Variants in CUL4B observed in about 807,000 individuals in gnomAD.
CUL4B encodes cullin 4B.
A neutral mutation model predicts 69.2 loss-of-function variants in CUL4B; 1 was observed. The ratio of observed to expected loss-of-function variants is 0.01; its 90% CI spans 0.01 to 0.07. The LOEUF is 0.07. Ranked by LOEUF, CUL4B falls within the 10% of genes least tolerant of loss-of-function variation. CUL4B has a pLI of 1.00. For synonymous variants in CUL4B, 237 were observed against 223.2 expected, an observed-to-expected ratio of 1.06 and a Z score of -0.55; for missense variants, 328 against 638.8, an observed-to-expected ratio of 0.51 and a Z score of 5.24.
At chrX:120,541,751 A>G in intron 9 of CUL4B, 31 bp from the exon 10 acceptor site, 1 of 897,263 alleles carries the variant, frequency 1.1e-6, no homozygotes, top group Non-Finnish European at 1.6e-6. Context: ...GCATTAAAAT[A>G]TAGTGAACAA....
rs112641571 is a variant in CUL4B, at chrX:120,544,733, A to C, written c.921-90T>G. 8,336 of 745,162 alleles carry C rather than the reference A, an allele frequency of 0.011. 349 individuals carry two copies. In the African/African-American group the frequency reaches 0.14, roughly 12 times the overall value. The allele number at this position is 745,162 out of a possible 1,213,427, so 61.4% of individuals were successfully genotyped here. A position where few individuals can be genotyped will look rare whatever the true frequency, so the allele number is the denominator to read the frequency against. On this transcript the variant is annotated intron_variant, in intron 5 of 19. Coordinates refer to ENST00000371322, the MANE Select transcript of CUL4B (RefSeq NM_001079872.2). Reference sequence around the variant, plus strand: ...ACTTCTTACCACATGTTCCCATGCTAATTAGGGCTCCAGGGCTTTGAAGCA... The same window carrying C: ...ACTTCTTACCACATGTTCCCATGCTCATTAGGGCTCCAGGGCTTTGAAGCA...
intron 2 of CUL4B, among the ~76,000 whole-genome samples, chrX:120,556,676 T>TA (rs376597680): frequency 2.2e-3 from 241 of 108,648 alleles, no homozygotes; most frequent in African/African-American, 7.6e-3. Context: ...CCCTATCTCT[T>TA]AAAAAAACAG....
chrX:120,542,151 T>C (rs1286955586), intron 9 of CUL4B, among the ~76,000 whole-genome samples: 1 of 111,910 alleles, frequency 8.9e-6, no homozygotes, highest in Non-Finnish European at 1.9e-5. Context: ...TTTAGCATGA[T>C]AGATTAGAGG....
intron 2 of CUL4B, among the ~76,000 whole-genome samples, chrX:120,557,067 T>C (rs760685836): frequency 9.1e-6 from 1 of 109,920 alleles, no homozygotes; most frequent in African/African-American, 3.3e-5. Flanking sequence ...ATGCACCACA[T>C]TGCCTGGCTA....
Position 120,539,121 on chromosome X carries a change from T to C in CUL4B, c.1741+147A>G, listed in dbSNP as rs143407679. 1,233 of 439,923 alleles carry C rather than the reference T, an allele frequency of 2.8e-3. 5 individuals are homozygous for C. Among genetic ancestry groups the C allele is most frequent in the Non-Finnish European group, 4.1e-3 (1,072 of 258,518 alleles). 36.3% of individuals were successfully genotyped at this position (439,923 alleles called of 1,213,427 possible). ...CAAAGCATAGGACAATCAGGTAACA[T>C]TCCTCACGTATCCCCCCAATGAATT... On this transcript the variant is annotated intron_variant, in intron 12 of 19. Transcript: ENST00000371322.
At chrX:120,536,454 A>T (rs1420338521) in intron 15 of CUL4B, among the ~76,000 whole-genome samples, 3 of 112,250 alleles carry the variant, frequency 2.7e-5, no homozygotes, top group Non-Finnish European at 5.6e-5. Context: ...ACCAGGAGTC[A>T]GGATAGATTT....
At chrX:120,542,410 T>C (rs924644749) in intron 9 of CUL4B, among the ~76,000 whole-genome samples, 1 of 111,418 alleles carries the variant, frequency 9.0e-6, no homozygotes, top group Admixed American at 9.6e-5. Flanking sequence ...GAAAATATTA[T>C]TGGGGAGAAA....
intron 12 of CUL4B, among the ~76,000 whole-genome samples, 198 bp from the exon 13 acceptor site, chrX:120,538,968 T>C (rs1451255247): frequency 8.9e-6 from 1 of 112,152 alleles, no homozygotes; most frequent in Non-Finnish European, 1.9e-5. Context: ...TAAAACTTTT[T>C]TGCATGTAAC....
At chrX:120,557,629 TG>T (rs759645444) in intron 2 of CUL4B, among the ~76,000 whole-genome samples, 16 of 111,868 alleles carry the variant, frequency 1.4e-4, no homozygotes, top group Non-Finnish European at 2.8e-4. Context: ...AAATCATCTT[TG>T]GGATTCATGC....
rs754330779 is a variant in CUL4B at position 120,560,261 on chromosome X, T to TGAGGAG, written c.372_377dup (p.Ser127_Ser128dup). ...GAGATGTTGCAGCAGTTGGTGAAGATGAGGAGGAGGAGGAGGAGGATTCCT... is the reference window on the plus strand; with the variant it reads ...GAGATGTTGCAGCAGTTGGTGAAGATGAGGAGGAGGAGGAGGAGGAGGAGGATTCCT... On this transcript the variant is annotated inframe_insertion, in exon 1 of 20. Transcript: ENST00000371322. The TGAGGAG allele has an allele frequency of 8.5e-7, 1 of 1,176,821 alleles. No homozygotes were observed.
intron 14 of CUL4B, 86 bp from the exon 15 acceptor site, chrX:120,537,120 T>C (rs892503581): frequency 1.5e-5 from 10 of 668,814 alleles, no homozygotes; most frequent in Non-Finnish European, 2.4e-5. Context: ...TTCCCTGTTA[T>C]GAAATTACAT....
intron 1 of CUL4B, 177 bp downstream of exon 1, chrX:120,559,906 C>G: frequency 8.8e-7 from 1 of 1,138,155 alleles, no homozygotes; most frequent in Non-Finnish European, 1.2e-6. Flanking sequence ...CACAAGGATC[C>G]TAACCACCCC....
At chrX:120,568,062 A>G (rs773956388), downstream of CUL4B, among the ~76,000 whole-genome samples, 3 of 111,903 alleles carry the variant, frequency 2.7e-5, no homozygotes, top group Admixed American at 1.9e-4. Flanking sequence ...TTCTCTAGGA[A>G]TCCTTTTTTA....
chrX:120,561,158 G>A (rs1377369361), upstream of CUL4B: 2 of 889,270 alleles, frequency 2.2e-6, no homozygotes, highest in Non-Finnish European at 3.0e-6. Context: ...TGAGGGAAGC[G>A]CTGCAGCCGC....
intron 11 of CUL4B, 34 bp from the exon 12 acceptor site, chrX:120,539,406 C>T (rs1176281058): frequency 5.6e-6 from 5 of 900,650 alleles, no homozygotes; most frequent in Admixed American, 4.7e-5. Flanking sequence ...GTTTAATAAC[C>T]GGGGAATACA....
At chrX:120,544,369 T>A (rs1315320871) in intron 6 of CUL4B, 112 bp downstream of exon 6, 7 of 877,609 alleles carry the variant, frequency 8.0e-6, no homozygotes, top group African/African-American at 7.9e-5. Context: ...ATATATGAGA[T>A]GTGCTTCCTT....
At chrX:120,544,742 T>A in intron 5 of CUL4B, 99 bp from the exon 6 acceptor site, 1 of 668,811 alleles carries the variant, frequency 1.5e-6, no homozygotes, top group Non-Finnish European at 2.4e-6. Context: ...TAATTAGGGC[T>A]CCAGGGCTTT....
chrX:120,543,645 A>C (rs1227516092), intron 8 of CUL4B, 82 bp downstream of exon 8: 2 of 657,213 alleles, frequency 3.0e-6, no homozygotes, highest in Non-Finnish European at 5.1e-6. Context: ...GAAAACAGTT[A>C]CTAACATGTT....
chrX:120,527,454 C>T (rs1009676265), intron 19 of CUL4B, among the ~76,000 whole-genome samples: 2 of 110,193 alleles, frequency 1.8e-5, no homozygotes, highest in Non-Finnish European at 3.8e-5. Context: ...CTATGTCGCC[C>T]AGGCTGACCT....
Sources: gnomAD v4.1 joint callset for allele counts (sites outside exome capture counted in the v4.1 genomes callset) on GRCh38, gnomAD v4.1.1 for gene constraint, MANE v1.5 for transcripts, NCBI Gene and HGNC (gene_info 2026-07-23, HGNC 2026-07-21) for gene names.